RBFOX1: variants seen among roughly 807,000 people sequenced by gnomAD.
RBFOX1 encodes the protein RNA binding fox-1 homolog 1.
Under a neutral mutation model 57.7 loss-of-function variants are expected in RBFOX1, and 8 were observed. The observed-to-expected ratio is 0.14, with a 90% CI of 0.08 to 0.25. RBFOX1 has a LOEUF of 0.25. RBFOX1 is among the 10% of genes least tolerant of loss of function. RBFOX1 has a pLI of 1.00. For missense variants in RBFOX1, 611 were observed against 548.5 expected, an observed-to-expected ratio of 1.11 and a Z score of -1.14; for synonymous variants, 326 against 222.4, an observed-to-expected ratio of 1.47 and a Z score of -4.15.
rs1381583930 is a variant in RBFOX1 at position 5,599,219 on chromosome 16, G to A, written c.576G>A (p.Trp192Ter). 4.3e-6 allele frequency: 3 copies of A among 697,516 alleles called. No homozygotes were observed. The highest frequency in any genetic ancestry group is 5.4e-5 in the East Asian group (2 of 37,228). 43.2% of individuals were successfully genotyped at this position (697,516 alleles called of 1,614,324 possible). A position where few individuals can be genotyped will look rare whatever the true frequency, so the allele number is the denominator to read the frequency against. ...CTCTAAAAAAGACCAGGCCCACTTG[G>A]TGGACAGATCCGGGGCACAGTGGTT... The change falls in exon 3 of 3, where the codon TGG becomes TGA. Residue 192 changes from tryptophan to a stop codon, truncating the protein, a stop_gained. Transcript: ENST00000585867. LOFTEE classifies it low-confidence loss of function (END_TRUNC).
rs77853381 is a variant in RBFOX1 at position 6,097,567 on chromosome 16, C to T, written c.-127+77575C>T. Among the ~76,000 whole-genome samples the T allele has an allele frequency of 2.4e-3, 363 of 152,282 alleles. 4 individuals carry two copies. Among genetic ancestry groups the T allele is most frequent in the African/African-American group, 8.0e-3 (332 of 41,550 alleles). ...GAATGTTAAAGTATAAGAACCTCTG[C>T]TGCACAGGGAGACCTCACTTTCATT... On this transcript the variant is annotated intron_variant, in intron 1 of 15. Transcript: ENST00000550418. This position sits in a 1 kb window ranked among gnomAD's most constrained non-coding sequence, Gnocchi z 5.0.
chr16:6,855,523 G>A (rs181715958), intron 3 of RBFOX1, among the ~76,000 whole-genome samples: 1 of 151,970 alleles, frequency 6.6e-6, no homozygotes, highest in East Asian at 2.0e-4. Flanking sequence ...GGCGATGGCA[G>A]GTGCCTGTAG....
Position 7,060,377 on chromosome 16 carries a change from C to G in RBFOX1, c.27+8279C>G, listed in dbSNP as rs113684235. ...GATTTTTATCAACAGAGAAATCATT[C>G]AAAGAAAAGGCCTTAGACTCACATC... On this transcript the variant is annotated intron_variant, in intron 4 of 15. Transcript: ENST00000550418. Among the ~76,000 whole-genome samples, 415 of 152,202 alleles carry G rather than the reference C, an allele frequency of 2.7e-3. 2 individuals are homozygous for G. The highest frequency in any genetic ancestry group is 9.6e-3 in the African/African-American group (398 of 41,530).
intron 3 of RBFOX1, among the ~76,000 whole-genome samples, chr16:7,025,691 C>CCTGGA (rs1568423968): frequency 6.6e-6 from 1 of 151,816 alleles, no homozygotes; most frequent in Non-Finnish European, 1.5e-5. Flanking sequence ...CCTGGCCTGG[C>CCTGGA]CTCTGGAGCC....
chr16:6,023,443 C>T (rs559913651), intron 1 of RBFOX1, among the ~76,000 whole-genome samples: 3 of 152,084 alleles, frequency 2.0e-5, no homozygotes, highest in South Asian at 4.1e-4. Flanking sequence ...TTTTTTGTAT[C>T]CAGAAAATTG....
At chr16:5,364,166 A>C (rs932050737) in intron 1 of RBFOX1, among the ~76,000 whole-genome samples, 2 of 152,228 alleles carry the variant, frequency 1.3e-5, no homozygotes, top group Non-Finnish European at 2.9e-5. Context: ...CAATTGCTTT[A>C]TTAATTTTTA....
intron 3 of RBFOX1, among the ~76,000 whole-genome samples, chr16:6,899,829 G>A (rs1348487658): frequency 2.6e-5 from 4 of 152,216 alleles, no homozygotes; most frequent in South Asian, 2.1e-4. Context: ...AGCAAAAGCA[G>A]GCAGGAGCAT....
intron 3 of RBFOX1, among the ~76,000 whole-genome samples, chr16:6,724,405 C>T (rs2066697212): frequency 6.6e-6 from 1 of 151,920 alleles, no homozygotes; most frequent in African/African-American, 2.4e-5. Context: ...AGACAGGTTT[C>T]ACCATGTTGC....
chr16:7,602,301 G>T (rs2095067509), intron 9 of RBFOX1, among the ~76,000 whole-genome samples: 1 of 152,140 alleles, frequency 6.6e-6, no homozygotes, highest in African/African-American at 2.4e-5. Flanking sequence ...TGGCCACGGA[G>T]GGGTCTAAAC....
chr16:6,712,112 C>T (rs907835807), intron 3 of RBFOX1, among the ~76,000 whole-genome samples: 1 of 152,092 alleles, frequency 6.6e-6, no homozygotes, highest in Non-Finnish European at 1.5e-5. Context: ...ATTAGAGAGG[C>T]TTAACAAATA....
intron 2 of RBFOX1, among the ~76,000 whole-genome samples, chr16:6,552,780 A>G (rs1451724000): frequency 6.6e-6 from 1 of 152,104 alleles, no homozygotes; most frequent in Non-Finnish European, 1.5e-5. Context: ...ATAAATACAC[A>G]TACAATTATA....
chr16:7,264,995 C>T (rs2095071344), intron 4 of RBFOX1, among the ~76,000 whole-genome samples: 2 of 152,216 alleles, frequency 1.3e-5, no homozygotes, highest in African/African-American at 2.4e-5. Context: ...AATCCATTTG[C>T]GGTTTTCAAA....
intron 2 of RBFOX1, among the ~76,000 whole-genome samples, chr16:6,546,728 G>C (rs1316186177): frequency 2.0e-5 from 3 of 152,174 alleles, no homozygotes; most frequent in Non-Finnish European, 2.9e-5. Context: ...CTGAGGTTAA[G>C]GGTTTATCTG....
At chr16:7,409,655 C>G (rs995603974) in intron 4 of RBFOX1, among the ~76,000 whole-genome samples, 2 of 152,210 alleles carry the variant, frequency 1.3e-5, no homozygotes, top group East Asian at 1.9e-4. Flanking sequence ...GTAATCCAAT[C>G]ACTATAGGCC....
intron 1 of RBFOX1, among the ~76,000 whole-genome samples, chr16:5,322,389 G>C (rs747117208): frequency 2.6e-5 from 4 of 152,120 alleles, no homozygotes; most frequent in African/African-American, 9.7e-5. Flanking sequence ...GCACGCCTAG[G>C]GGTTTGGGGT....
intron 4 of RBFOX1, among the ~76,000 whole-genome samples, chr16:7,444,069 A>T (rs1244052465): frequency 6.6e-6 from 1 of 152,248 alleles, no homozygotes; most frequent in Non-Finnish European, 1.5e-5. Flanking sequence ...CATGGAAGTT[A>T]AACAAGACCA....
chr16:7,081,015 G>C (rs1031858504), intron 4 of RBFOX1, among the ~76,000 whole-genome samples: 3 of 152,150 alleles, frequency 2.0e-5, no homozygotes, highest in Non-Finnish European at 4.4e-5. Flanking sequence ...CTTGCGAGTT[G>C]CTGGCCGTAG....
intron 3 of RBFOX1, among the ~76,000 whole-genome samples, chr16:6,974,255 A>T (rs531818087): frequency 6.7e-6 from 1 of 150,102 alleles, no homozygotes; most frequent in Non-Finnish European, 1.5e-5. Context: ...GCAGAGAGGC[A>T]TGTGGTACAG....
chr16:6,794,879 T>A (rs1416583436), intron 3 of RBFOX1, among the ~76,000 whole-genome samples: 1 of 152,066 alleles, frequency 6.6e-6, no homozygotes, highest in Non-Finnish European at 1.5e-5. Flanking sequence ...ATGAAAAAAA[T>A]GGAGGGAAGG....
Sources: allele counts gnomAD v4.1 joint callset (sites outside exome capture counted in the v4.1 genomes callset), GRCh38; gene constraint gnomAD v4.1.1; non-coding constraint Gnocchi (gnomAD v3.1); transcripts MANE v1.5; gene names NCBI Gene and HGNC (gene_info 2026-07-23, HGNC 2026-07-21).